LRP12: variants seen among roughly 807,000 people sequenced by gnomAD.
LRP12 encodes the protein LDL receptor related protein 12, also known as low-density lipoprotein receptor-related protein 12.
A neutral mutation model predicts 66.0 loss-of-function variants in LRP12; 14 were observed. The observed-to-expected ratio is 0.21, with a 90% CI of 0.14 to 0.33. The LOEUF (loss-of-function observed/expected upper bound fraction) is 0.33, where lower values mean the gene tolerates loss of function less well. LRP12 is among the 10% of genes least tolerant of loss of function. The pLI, the probability that LRP12 is intolerant of heterozygous loss-of-function variation, is 1.00. For synonymous variants in LRP12, 357 were observed against 359.1 expected (o/e 0.99, Z 0.07); for missense variants, 889 against 1,053.4 (o/e 0.84, Z 2.16).
Position 104,489,397 on chromosome 8 carries a change from T to C in LRP12, c.*1276A>G, listed in dbSNP as rs964782085. On this transcript the variant is annotated 3_prime_UTR_variant, in exon 7 of 7. Transcript: ENST00000276654. ...AGCAAAGTACTTAAAATTTAATAAA[T>C]AGCAAATCACACACAGATACATTTT... The C allele has an allele frequency of 6.6e-6, 1 of 152,560 alleles. No individual in the cohort carries two copies. Among genetic ancestry groups the C allele is most frequent in the Non-Finnish European group, 1.5e-5 (1 of 67,976 alleles). 9.5% of individuals were successfully genotyped at this position (152,560 alleles called of 1,614,324 possible).
At chr8:104,510,533 T>C (rs1220863246) in intron 2 of LRP12, among the ~76,000 whole-genome samples, 2 of 152,198 alleles carry the variant, frequency 1.3e-5, no homozygotes, top group Non-Finnish European at 2.9e-5. Context: ...CAGAATTCAG[T>C]TGATAATGTG....
intron 2 of LRP12, among the ~76,000 whole-genome samples, chr8:104,509,946 T>C (rs546983717): frequency 5.3e-5 from 8 of 152,290 alleles, no homozygotes; most frequent in Admixed American, 2.0e-4. Flanking sequence ...GTATCCCTCA[T>C]AGATAAGGAG....
intron 2 of LRP12, among the ~76,000 whole-genome samples, chr8:104,527,877 A>T (rs114890541): frequency 8.1e-4 from 124 of 152,290 alleles, no homozygotes; most frequent in African/African-American, 2.7e-3. Context: ...TACAGTTTGC[A>T]CATTTACTTC....
chr8:104,500,510 A>G (rs183750809), intron 3 of LRP12, among the ~76,000 whole-genome samples: 2 of 152,132 alleles, frequency 1.3e-5, no homozygotes, highest in Admixed American at 6.5e-5. Context: ...GTTTGAGACC[A>G]GCCTGGCCAT....
rs149279085 is a variant in LRP12, at chr8:104,542,994, AAT to A, written c.80-11033_80-11032del. ...TGCGTGTGTTTATAGAACACACACAAATATATATATATATATATAAATATATA... is the reference window on the plus strand; with the variant it reads ...TGCGTGTGTTTATAGAACACACACAAATATATATATATATATAAATATATA... On this transcript the variant is annotated intron_variant, in intron 1 of 6. Transcript: ENST00000276654. 5.5e-3 allele frequency among the ~76,000 whole-genome samples: 795 copies of A among 143,980 alleles called. 9 individuals are homozygous for A. Among genetic ancestry groups the A allele is most frequent in the Middle Eastern group, 0.021 (6 of 280 alleles). The allele number at this position is 143,980 out of a possible 152,430, so 94.5% of individuals were successfully genotyped here.
chr8:104,534,462 A>C (rs997673541), intron 1 of LRP12, among the ~76,000 whole-genome samples: 4 of 152,186 alleles, frequency 2.6e-5, no homozygotes, highest in Non-Finnish European at 2.9e-5. Flanking sequence ...TATTTATATT[A>C]CAAAAAAGGA....
At chr8:104,513,815 G>A (rs746532570) in intron 2 of LRP12, among the ~76,000 whole-genome samples, 8 of 152,122 alleles carry the variant, frequency 5.3e-5, no homozygotes, top group Non-Finnish European at 1.2e-4. Context: ...CACTCTCAAT[G>A]GAAGATTTCA....
chr8:104,521,303 G>A (rs1811147613), intron 2 of LRP12, among the ~76,000 whole-genome samples: 1 of 151,014 alleles, frequency 6.6e-6, no homozygotes. Context: ...TTCAGATTTG[G>A]GATAGTCAAC....
chr8:104,568,492 C>T (rs1394069256), intron 1 of LRP12, among the ~76,000 whole-genome samples: 2 of 152,020 alleles, frequency 1.3e-5, no homozygotes, highest in East Asian at 3.9e-4. Context: ...GAACAAACTA[C>T]AAAACAGGAT....
intron 1 of LRP12, among the ~76,000 whole-genome samples, chr8:104,556,275 G>A (rs185526723): frequency 6.6e-6 from 1 of 151,706 alleles, no homozygotes; most frequent in Admixed American, 6.6e-5. Context: ...AAACCCAGCA[G>A]AAGAAAAGAA....
chr8:104,541,612 T>C (rs1811478218), intron 1 of LRP12, among the ~76,000 whole-genome samples: 1 of 152,170 alleles, frequency 6.6e-6, no homozygotes, highest in Non-Finnish European at 1.5e-5. Flanking sequence ...GCCTGAACAT[T>C]TTCATCACCG....
chr8:104,534,891 G>GC (rs1811372743), intron 1 of LRP12, among the ~76,000 whole-genome samples: 1 of 151,438 alleles, frequency 6.6e-6, no homozygotes, highest in Admixed American at 6.6e-5. Flanking sequence ...TCTCCTTAAT[G>GC]CCCCCTCCCA....
At chr8:104,581,420 G>A (rs1361865232) in intron 1 of LRP12, among the ~76,000 whole-genome samples, 1 of 151,662 alleles carries the variant, frequency 6.6e-6, no homozygotes, top group East Asian at 1.9e-4. Flanking sequence ...ACAACAAACA[G>A]ATTAATAATT....
intron 3 of LRP12, among the ~76,000 whole-genome samples, chr8:104,500,039 T>C (rs1446136924): frequency 6.6e-6 from 1 of 152,222 alleles, no homozygotes; most frequent in Non-Finnish European, 1.5e-5. Flanking sequence ...AAAAATGTTT[T>C]TGGTGAAAAG....
intron 1 of LRP12, among the ~76,000 whole-genome samples, chr8:104,539,091 A>T (rs1188786665): frequency 1.3e-5 from 2 of 152,194 alleles, no homozygotes; most frequent in Non-Finnish European, 2.9e-5. Context: ...AAAAAGGCTT[A>T]AAGGAAGTAC....
At chr8:104,538,985 T>C (rs1227664559) in intron 1 of LRP12, among the ~76,000 whole-genome samples, 1 of 152,140 alleles carries the variant, frequency 6.6e-6, no homozygotes, top group Admixed American at 6.6e-5. Context: ...TAAATCATAT[T>C]ACAGAAGAAT....
intron 1 of LRP12, among the ~76,000 whole-genome samples, chr8:104,547,569 A>G (rs1200635797): frequency 8.0e-6 from 1 of 124,928 alleles, no homozygotes; most frequent in Non-Finnish European, 1.6e-5. Flanking sequence ...ATATATTAAT[A>G]ATTATTATAT....
chr8:104,500,206 A>T (rs900823654), intron 3 of LRP12, among the ~76,000 whole-genome samples: 11 of 152,234 alleles, frequency 7.2e-5, no homozygotes, highest in African/African-American at 2.7e-4. Flanking sequence ...AGAAACCAAA[A>T]TACAGTTTTA....
chr8:104,535,097 A>C (rs1003032255), intron 1 of LRP12, among the ~76,000 whole-genome samples: 3 of 151,946 alleles, frequency 2.0e-5, no homozygotes, highest in African/African-American at 7.2e-5. Flanking sequence ...GTAATGAACC[A>C]GTTAAGTAGA....
Sources: gnomAD v4.1 joint callset for allele counts (sites outside exome capture counted in the v4.1 genomes callset) on GRCh38, gnomAD v4.1.1 for gene constraint, MANE v1.5 for transcripts, NCBI Gene and HGNC (gene_info 2026-07-23, HGNC 2026-07-21) for gene names.